The following RYR2 variants were observed in gnomAD, a reference collection of about 807,000 sequenced individuals.
The protein encoded by RYR2 is ryanodine receptor 2.
RYR2 carries 227 observed loss-of-function variants against 601.1 expected under a neutral mutation model. The ratio of observed to expected loss-of-function variants is 0.38; its 90% CI spans 0.34 to 0.42. The LOEUF (loss-of-function observed/expected upper bound fraction) is 0.42, where lower values mean the gene tolerates loss of function less well. Among genes scored for constraint, RYR2 ranks in the 10% least tolerant of loss-of-function variants. The pLI is 1.00. For synonymous variants in RYR2, 2,223 were observed against 2,175.1 expected, an observed-to-expected ratio of 1.02 and a Z score of -0.61; for missense variants, 4,646 against 6,156.5, an observed-to-expected ratio of 0.75 and a Z score of 8.21.
intron 8 of RYR2, among the ~76,000 whole-genome samples, chr1:237,383,256 A>C (rs1701684686): frequency 6.6e-6 from 1 of 151,334 alleles, no homozygotes; most frequent in Non-Finnish European, 1.5e-5. Flanking sequence ...CAGCTAAAGA[A>C]CTCCTGGAAG....
At chr1:237,366,789 C>T (rs1318518205) in intron 5 of RYR2, among the ~76,000 whole-genome samples, 3 of 152,006 alleles carry the variant, frequency 2.0e-5, no homozygotes, top group Non-Finnish European at 4.4e-5. Context: ...AAGACCTTGT[C>T]CTTCACTTTT....
intron 26 of RYR2, among the ~76,000 whole-genome samples, chr1:237,549,301 G>A (rs565532094): frequency 8.5e-4 from 130 of 152,252 alleles, no homozygotes; most frequent in African/African-American, 2.6e-3. Context: ...CTGGCTGGGC[G>A]GGGTGGCTCA....
intron 1 of RYR2, among the ~76,000 whole-genome samples, chr1:237,172,367 G>A (rs1677498962): frequency 6.6e-6 from 1 of 152,190 alleles, no homozygotes; most frequent in Admixed American, 6.5e-5. Context: ...CCTGTGAGAA[G>A]CATCATTTAA....
chr1:237,061,603 T>C (rs1360642237), intron 1 of RYR2, among the ~76,000 whole-genome samples: 1 of 152,198 alleles, frequency 6.6e-6, no homozygotes, highest in Non-Finnish European at 1.5e-5. Context: ...CTGACCAGAA[T>C]TGTCTTTTTT....
chr1:237,334,967 T>C (rs1001832406), intron 3 of RYR2, among the ~76,000 whole-genome samples: 1 of 152,200 alleles, frequency 6.6e-6, no homozygotes, highest in African/African-American at 2.4e-5. Flanking sequence ...ATGGTGCATG[T>C]TATTATTGTT....
At chr1:237,415,379 ACT>A (rs1357193485) in intron 10 of RYR2, among the ~76,000 whole-genome samples, 1 of 152,050 alleles carries the variant, frequency 6.6e-6, no homozygotes, top group East Asian at 1.9e-4. Context: ...ACTACCTAAA[ACT>A]CTTAGGTCCT....
chr1:237,779,334 T>A (rs1003901750), intron 88 of RYR2, among the ~76,000 whole-genome samples: 3 of 152,216 alleles, frequency 2.0e-5, no homozygotes, highest in African/African-American at 7.2e-5. Context: ...TTGAAAAATA[T>A]CAGCTTGTTT....
intron 14 of RYR2, among the ~76,000 whole-genome samples, chr1:237,447,492 T>C (rs1321638527): frequency 6.6e-6 from 1 of 152,226 alleles, no homozygotes; most frequent in Non-Finnish European, 1.5e-5. Flanking sequence ...TTATTTTTTG[T>C]CTGGGCTATT....
At chr1:237,436,453 C>CATTTTTTTTTTTT (rs1491092540) in intron 12 of RYR2, among the ~76,000 whole-genome samples, 5 of 55,822 alleles carry the variant, frequency 9.0e-5, no homozygotes, top group Admixed American at 5.5e-4. Flanking sequence ...GTGTGATTTT[C>CATTTTTTTTTTTT]CTTTTTTTTT....
intron 1 of RYR2, among the ~76,000 whole-genome samples, chr1:237,045,786 T>C (rs1173553063): frequency 6.6e-6 from 1 of 151,898 alleles, no homozygotes; most frequent in Non-Finnish European, 1.5e-5. Flanking sequence ...TTTTTTTTTT[T>C]TTTTCCAACA....
rs369990125 is a variant in RYR2, at chr1:237,500,941, C to T, written c.2396+38C>T. On this transcript the variant is annotated intron_variant, in intron 21 of 104. Coordinates refer to ENST00000366574, the MANE Select transcript of RYR2 (RefSeq NM_001035.3). The stretch of plus-strand genomic sequence containing the variant: ...ATGTTTTTTGGTCTCTTTCCTTTCT[C>T]ATTTCTCATACCTCCACAGAAGACT... 3.2e-6 allele frequency: 5 copies of T among 1,567,252 alleles called. No homozygotes were observed. The African/African-American group carries it at 5.4e-5, about 17-fold the overall frequency.
chr1:237,674,169 A>G lies in RYR2; in HGVS notation c.8664A>G (p.Lys2888=), dbSNP rs1272995311. 1.1e-5 allele frequency: 17 copies of G among 1,612,596 alleles called. No individual in the cohort carries two copies. In the East Asian group the frequency reaches 3.8e-4, roughly 36 times the overall value. Residue 2888 remains lysine, a synonymous_variant, in exon 59 of 105, where the codon AAA becomes AAG. Coordinates refer to ENST00000366574, the MANE Select transcript of RYR2 (RefSeq NM_001035.3). ...TAKEKAKDRE[K]AQDILKFLQI... is the part of the protein sequence containing the mutation. Reference sequence around the variant, plus strand: ...AAGAGAAAGCCAAGGATAGAGAAAAAGCACAGGACATCCTCAAGTTCTTGC... The same window carrying G: ...AAGAGAAAGCCAAGGATAGAGAAAAGGCACAGGACATCCTCAAGTTCTTGC...
chr1:237,697,481 T>C (rs1389173388), intron 63 of RYR2, among the ~76,000 whole-genome samples: 1 of 144,526 alleles, frequency 6.9e-6, no homozygotes, highest in Non-Finnish European at 1.5e-5. Flanking sequence ...AATATATTTA[T>C]AGAAATATAT....
chr1:237,726,312 A>G lies in RYR2; in HGVS notation c.10725+4A>G. The G allele has an allele frequency of 6.3e-7, 1 of 1,575,260 alleles. No individual in the cohort carries two copies. Among genetic ancestry groups the G allele is most frequent in the Non-Finnish European group, 8.7e-7 (1 of 1,150,640 alleles). ...GGGTCGGAGACATTACTGTCTGGGAAGTACAGTGCTCAATGGCCTAGAGAT... is the reference window on the plus strand; with the variant it reads ...GGGTCGGAGACATTACTGTCTGGGAGGTACAGTGCTCAATGGCCTAGAGAT... On this transcript the variant is annotated splice_donor_region_variant and intron_variant, in intron 75 of 104. Coordinates refer to ENST00000366574, the MANE Select transcript of RYR2 (RefSeq NM_001035.3).
rs749003717 is a variant in RYR2 at position 237,578,641 on chromosome 1, A to AATGCCTC, written c.3598+9322_3598+9323insATGCCTC. On this transcript the variant is annotated intron_variant, in intron 29 of 104. Coordinates refer to ENST00000366574, the MANE Select transcript of RYR2 (RefSeq NM_001035.3). The stretch of plus-strand genomic sequence containing the variant: ...GGAGGTATTATTTTTTTGGAGACTT[A>AATGCCTC]TTTTGCAATGCCTCTTTTGGGGGTA... Among the ~76,000 whole-genome samples, 1,052 of 152,212 alleles carry AATGCCTC rather than the reference A, an allele frequency of 6.9e-3. 7 individuals are homozygous for AATGCCTC. Among genetic ancestry groups the AATGCCTC allele is most frequent in the Non-Finnish European group, 0.011 (725 of 68,002 alleles).
intron 25 of RYR2, among the ~76,000 whole-genome samples, chr1:237,533,871 G>A (rs191765459): frequency 4.4e-4 from 67 of 152,038 alleles, no homozygotes; most frequent in African/African-American, 1.6e-3. Context: ...TAACTTCGTG[G>A]TGGATTAATG....
chr1:237,533,844 A>G (rs1668360479), intron 25 of RYR2, among the ~76,000 whole-genome samples: 1 of 152,162 alleles, frequency 6.6e-6, no homozygotes, highest in African/African-American at 2.4e-5. Flanking sequence ...ATGTAATGTT[A>G]GTAATGTTCT....
intron 55 of RYR2, 133 bp downstream of exon 55, chr1:237,660,207 T>A (rs1271864007): frequency 1.4e-5 from 6 of 415,014 alleles, no homozygotes; most frequent in South Asian, 8.6e-5. Flanking sequence ...AGGTCCCGTT[T>A]AAAAAAAAAA....
At chr1:237,415,695 A>C (rs1388688263) in intron 10 of RYR2, among the ~76,000 whole-genome samples, 1 of 152,220 alleles carries the variant, frequency 6.6e-6, no homozygotes, top group African/African-American at 2.4e-5. Flanking sequence ...CAAGAGAGGA[A>C]TGGGGACTAT....
Sources: allele counts gnomAD v4.1 joint callset (sites outside exome capture counted in the v4.1 genomes callset), GRCh38; gene constraint gnomAD v4.1.1; transcripts MANE v1.5; gene names NCBI Gene and HGNC (gene_info 2026-07-23, HGNC 2026-07-21).